SFMBT1: variants seen among roughly 807,000 people sequenced by gnomAD.
SFMBT1 encodes scm-like with four MBT domains protein 1.
Under a neutral mutation model 108.7 loss-of-function variants are expected in SFMBT1, and 32 were observed. The ratio of observed to expected loss-of-function variants is 0.29; its 90% confidence interval spans 0.22 to 0.40. The LOEUF is 0.40. SFMBT1 is among the 10% of genes least tolerant of loss of function. The pLI is 1.00. For synonymous variants in SFMBT1, 348 were observed against 369.5 expected (o/e 0.94, Z 0.67); for missense variants, 816 against 1,059.6 (o/e 0.77, Z 3.19).
intron 1 of SFMBT1, among the ~76,000 whole-genome samples, chr3:53,024,006 G>A (rs916438844): frequency 2.6e-5 from 4 of 152,072 alleles, no homozygotes; most frequent in Non-Finnish European, 5.9e-5. Context: ...AGATATAGTA[G>A]GAAACAACAC....
At chr3:53,040,124 C>T (rs1699990629) in intron 1 of SFMBT1, among the ~76,000 whole-genome samples, 1 of 152,258 alleles carries the variant, frequency 6.6e-6, no homozygotes. Flanking sequence ...CTAGAAAAAA[C>T]TGAGAGACAG....
chr3:52,998,172 T>C (rs1196459216), intron 1 of SFMBT1, among the ~76,000 whole-genome samples: 1 of 149,900 alleles, frequency 6.7e-6, no homozygotes, highest in Non-Finnish European at 1.5e-5. Flanking sequence ...TCCCAGCACT[T>C]TGGGAGGCCA....
At position 52,928,304 on chromosome 3, in the gene SFMBT1, T is replaced by C; in HGVS notation, c.935A>G (p.Asp312Gly). ...DEKYFLVEMD[D>G]LRPENHARRS... ...CCGTGCGTGGTTCTCAGGACGCAAG[T>C]CATCCATTTCCACCAGAAAGTACTT... The change falls in exon 9 of 21, where the codon GAC becomes GGC. Residue 312 changes from aspartate (D) to glycine (G), a missense_variant. Coordinates refer to ENST00000394752, the MANE Select transcript of SFMBT1 (RefSeq NM_016329.4). 1 of 1,613,992 alleles carries C rather than the reference T, an allele frequency of 6.2e-7. No homozygotes were observed. Among genetic ancestry groups the C allele is most frequent in the Non-Finnish European group, 8.5e-7 (1 of 1,180,014 alleles).
intron 2 of SFMBT1, among the ~76,000 whole-genome samples, chr3:52,965,794 C>T (rs1274758576): frequency 6.6e-6 from 1 of 151,552 alleles, no homozygotes; most frequent in East Asian, 1.9e-4. Flanking sequence ...ATCACAAGGT[C>T]AGGAGATCGC....
chr3:52,992,267 T>C (rs1462998591), intron 1 of SFMBT1, among the ~76,000 whole-genome samples: 1 of 152,190 alleles, frequency 6.6e-6, no homozygotes, highest in Non-Finnish European at 1.5e-5. Flanking sequence ...CTAAAATACA[T>C]TCCAGTTTAT....
rs1001366099 is a variant in SFMBT1, at chr3:52,931,771, C to T, written c.700+291G>A. ...ACAAGAATCGCTTGAACCCGGGAGGCGGAGGTTGCAGTGAGCTGAGATCAT... is the reference window on the plus strand; with the variant it reads ...ACAAGAATCGCTTGAACCCGGGAGGTGGAGGTTGCAGTGAGCTGAGATCAT... On this transcript the variant is annotated intron_variant, in intron 6 of 20. Transcript: ENST00000394752. Among the ~76,000 whole-genome samples, 6 of 151,956 alleles carry T rather than the reference C, an allele frequency of 3.9e-5. No individual in the cohort carries two copies. In the East Asian group the frequency reaches 5.8e-4, roughly 15 times the overall value.
intron 14 of SFMBT1, 127 bp from the exon 15 acceptor site, chr3:52,913,744 T>G (rs1702271642): frequency 1.0e-6 from 1 of 1,000,782 alleles, no homozygotes. Flanking sequence ...TGGAATTACT[T>G]ATTTTGAAGC....
chr3:52,932,875 C>A (rs1002369006), intron 5 of SFMBT1, among the ~76,000 whole-genome samples: 1 of 152,164 alleles, frequency 6.6e-6, no homozygotes, highest in Admixed American at 6.5e-5. Flanking sequence ...CATGCCACTG[C>A]ACTCTAGCCT....
At chr3:52,944,549 C>T (rs1300020005) in intron 3 of SFMBT1, among the ~76,000 whole-genome samples, 1 of 152,098 alleles carries the variant, frequency 6.6e-6, no homozygotes, top group East Asian at 1.9e-4. Context: ...GACAAAGTTT[C>T]GCTCTGTTCA....
chr3:52,942,603 C>T (rs1703222041), intron 4 of SFMBT1, among the ~76,000 whole-genome samples: 1 of 152,218 alleles, frequency 6.6e-6, no homozygotes, highest in African/African-American at 2.4e-5. Context: ...ACGGCCGCCT[C>T]CTGGGTTCAA....
chr3:52,927,362 A>T (rs1422234864), intron 9 of SFMBT1, among the ~76,000 whole-genome samples: 1 of 152,248 alleles, frequency 6.6e-6, no homozygotes, highest in East Asian at 1.9e-4. Flanking sequence ...ATAAAAGCTG[A>T]ATGGAAGACA....
intron 4 of SFMBT1, among the ~76,000 whole-genome samples, chr3:52,942,574 G>A (rs552290575): frequency 2.0e-5 from 3 of 152,276 alleles, no homozygotes; most frequent in South Asian, 4.1e-4. Flanking sequence ...GTGCAGTGGC[G>A]CGATCTCGGC....
intron 6 of SFMBT1, among the ~76,000 whole-genome samples, 167 bp from the exon 7 acceptor site, chr3:52,931,202 A>G (rs553842482): frequency 2.6e-4 from 40 of 152,356 alleles, no homozygotes; most frequent in Non-Finnish European, 5.1e-4. Context: ...CCTTAACTTC[A>G]GTACTTTGCT....
At position 52,932,144 on chromosome 3, in the gene SFMBT1, T is replaced by G. The variant is rs1239290261; in HGVS notation, c.618A>C (p.Glu206Asp). 1.2e-6 allele frequency: 2 copies of G among 1,614,200 alleles called. No homozygotes were observed. Among genetic ancestry groups the G allele is most frequent in the South Asian group, 2.2e-5 (2 of 91,078 alleles). ...ATGGATCCAAGTAATACAACCAATGTTCATAATTGTCAGAACTTTCAAGTC... is the reference window on the plus strand; with the variant it reads ...ATGGATCCAAGTAATACAACCAATGGTCATAATTGTCAGAACTTTCAAGTC... ...YEGLESSDNY[E>D]HWLYYLDPFL... is the part of the protein sequence containing the mutation. The change falls in exon 6 of 21, where the codon GAA (glutamate) becomes GAC (aspartate). Residue 206 changes from glutamate (E) to aspartate (D), a missense_variant. Glu to Asp is a conservative substitution (Grantham distance 45). This residue lies in a region of SFMBT1 where 495 missense variants were observed against 607.4 expected (regional missense o/e 0.81). Coordinates refer to ENST00000394752, the MANE Select transcript of SFMBT1 (RefSeq NM_016329.4).
At chr3:53,044,141 C>A (rs1700138388) in intron 1 of SFMBT1, among the ~76,000 whole-genome samples, 2 of 151,992 alleles carry the variant, frequency 1.3e-5, no homozygotes, top group Admixed American at 6.6e-5. Context: ...CATATAAAAC[C>A]ATTCTGGATC....
At chr3:52,941,597 A>AAAG (rs1173002880) in intron 4 of SFMBT1, among the ~76,000 whole-genome samples, 1 of 134,298 alleles carries the variant, frequency 7.4e-6, no homozygotes, top group Non-Finnish European at 1.6e-5. Flanking sequence ...CTGTTTCAAA[A>AAAG]AAAAAAAAAA....
intron 2 of SFMBT1, among the ~76,000 whole-genome samples, chr3:52,958,608 T>C (rs1703862261): frequency 6.8e-6 from 1 of 146,332 alleles, no homozygotes; most frequent in African/African-American, 2.5e-5. Flanking sequence ...ATAAATTAAA[T>C]TAAAAAGTCA....
intron 1 of SFMBT1, among the ~76,000 whole-genome samples, chr3:52,979,354 C>T (rs1224325198): frequency 1.3e-5 from 2 of 152,158 alleles, no homozygotes; most frequent in South Asian, 4.1e-4. Context: ...ATGTATTTCC[C>T]ACTCAGATGA....
intron 1 of SFMBT1, among the ~76,000 whole-genome samples, chr3:53,039,512 G>A (rs1699967432): frequency 6.6e-6 from 1 of 152,140 alleles, no homozygotes; most frequent in Non-Finnish European, 1.5e-5. Context: ...AGTCTGGGAA[G>A]ATTAAAAAAG....
Sources: allele counts gnomAD v4.1 joint callset (sites outside exome capture counted in the v4.1 genomes callset), GRCh38; gene constraint gnomAD v4.1.1; regional missense constraint gnomAD v4.1.1; transcripts MANE v1.5; gene names NCBI Gene and HGNC (gene_info 2026-07-23, HGNC 2026-07-21).